Variants in CCNJ observed in about 807,000 individuals in gnomAD.
The protein encoded by CCNJ is cyclin J.
In CCNJ, 12 loss-of-function variants were observed where a neutral mutation model predicts 41.4. The ratio of observed to expected loss-of-function variants is 0.29; its 90% CI spans 0.19 to 0.47. CCNJ has a LOEUF of 0.47. Ranked by LOEUF, CCNJ falls within the 20% of genes least tolerant of loss-of-function variation. The probability of loss-of-function intolerance (pLI) is 1.00; values close to 1 mark genes in which losing one functional copy is unlikely to be tolerated. For synonymous variants in CCNJ, 161 were observed against 173.4 expected, an observed-to-expected ratio of 0.93 and a Z score of 0.56; for missense variants, 340 against 464.6, an observed-to-expected ratio of 0.73 and a Z score of 2.47.
chr10:96,051,744 A>T (rs907858701), intron 3 of CCNJ, among the ~76,000 whole-genome samples: 4 of 152,152 alleles, frequency 2.6e-5, no homozygotes, highest in African/African-American at 9.7e-5. Flanking sequence ...TTCTGGTACT[A>T]ATCTCTTCTC....
intron 2 of CCNJ, 88 bp from the exon 3 acceptor site, chr10:96,050,168 A>C: frequency 1.1e-6 from 1 of 875,464 alleles, no homozygotes; most frequent in East Asian, 2.4e-5. Context: ...TTGTAATACT[A>C]ATATATTGGA....
Position 96,043,641 on chromosome 10 carries a change from G to A in CCNJ, c.-120G>A. 1 of 394,902 alleles carries A rather than the reference G, an allele frequency of 2.5e-6. No homozygotes were observed. The highest frequency in any genetic ancestry group is 3.6e-5 in the East Asian group (1 of 27,842). The allele number at this position is 394,902 out of a possible 1,614,324, so 24.5% of individuals were successfully genotyped here. On this transcript the variant is annotated 5_prime_UTR_variant, in exon 1 of 6. Transcript: ENST00000465148. Reference sequence around the variant, plus strand: ...CTCTAGCTGAGGCCGGCGCTTAGCGGCCCACTGTCCGCAGCATGAGCGGGG... The same window carrying A: ...CTCTAGCTGAGGCCGGCGCTTAGCGACCCACTGTCCGCAGCATGAGCGGGG...
rs2080749947 is a variant in CCNJ at position 96,058,316 on chromosome 10, G to C, written c.*75G>C. 4.7e-6 allele frequency: 6 copies of C among 1,289,014 alleles called. No homozygotes were observed. The South Asian group carries it at 5.4e-5, about 12-fold the overall frequency. The allele number at this position is 1,289,014 out of a possible 1,614,324, so 79.8% of individuals were successfully genotyped here. A position where few individuals can be genotyped will look rare whatever the true frequency, so the allele number is the denominator to read the frequency against. The stretch of plus-strand genomic sequence containing the variant: ...ATGGGTAAGCGTTTTGTAAACTTCT[G>C]TTCAAAAGGAAAGGGATCTAAATGA... On this transcript the variant is annotated 3_prime_UTR_variant, in exon 6 of 6. Transcript: ENST00000465148.
chr10:96,049,716 T>G (rs188921887), intron 2 of CCNJ, among the ~76,000 whole-genome samples: 2 of 152,224 alleles, frequency 1.3e-5, no homozygotes, highest in East Asian at 3.9e-4. Context: ...TGAAGTGATT[T>G]TAGGTGTATG....
rs1235784626 is a variant in CCNJ, at chr10:96,044,333, G to C, written c.-41-20G>C. 2.2e-6 allele frequency: 3 copies of C among 1,372,600 alleles called. No individual in the cohort carries two copies. Among genetic ancestry groups the C allele is most frequent in the African/African-American group, 3.0e-5 (2 of 67,384 alleles). 85.0% of individuals were successfully genotyped at this position (1,372,600 alleles called of 1,614,324 possible). On this transcript the variant is annotated intron_variant, in intron 1 of 5. Coordinates refer to ENST00000465148, the MANE Select transcript of CCNJ (RefSeq NM_001134375.2). ...TCGCGGGGGAGCCGGCAGTGACCGC[G>C]CCTGGGGTGTGTCTTACAGACTCGA...
At chr10:96,050,202 T>C (rs2080484578) in intron 2 of CCNJ, 54 bp from the exon 3 acceptor site, 1 of 1,155,332 alleles carries the variant, frequency 8.7e-7, no homozygotes. Flanking sequence ...GTCATTGCCT[T>C]GTGGGGATAC....
At chr10:96,044,796 G>A (rs138415872) in intron 2 of CCNJ, among the ~76,000 whole-genome samples, 1 of 152,288 alleles carries the variant, frequency 6.6e-6, no homozygotes, top group Admixed American at 6.5e-5. Context: ...CTCTTTGTTC[G>A]AGAGTTGCCG....
intron 2 of CCNJ, among the ~76,000 whole-genome samples, chr10:96,046,852 T>C (rs982838343): frequency 6.6e-6 from 1 of 152,204 alleles, no homozygotes; most frequent in African/African-American, 2.4e-5. Context: ...ATAGTTAGTG[T>C]CATAGGCTGT....
intron 3 of CCNJ, 72 bp downstream of exon 3, chr10:96,050,538 TC>T: frequency 9.0e-7 from 1 of 1,110,150 alleles, no homozygotes; most frequent in South Asian, 1.4e-5. Context: ...TATGTAGAAC[TC>T]AGTGAAATAT....
rs75328950 is a variant in CCNJ, at chr10:96,049,124, T to G, written c.70-1132T>G. On this transcript the variant is annotated intron_variant, in intron 2 of 5. Coordinates refer to ENST00000465148, the MANE Select transcript of CCNJ (RefSeq NM_001134375.2). The stretch of plus-strand genomic sequence containing the variant: ...TTTGTTTTGTTTTGTTTTTTGATAA[T>G]AGCAATCCAACTAGGTGTGAAGTGC... Among the ~76,000 whole-genome samples the G allele has an allele frequency of 1.2e-3, 188 of 152,304 alleles. 1 individual carries two copies. Among genetic ancestry groups the G allele is most frequent in the African/African-American group, 4.2e-3 (176 of 41,580 alleles).
chr10:96,043,392 G>A (rs2080265454), upstream of CCNJ: 1 of 360,420 alleles, frequency 2.8e-6, no homozygotes, highest in Admixed American at 4.7e-5. Flanking sequence ...GCCACGCCGC[G>A]CCGTGCGGGA....
At chr10:96,050,120 T>C (rs1323547200) in intron 2 of CCNJ, 136 bp from the exon 3 acceptor site, 1 of 686,700 alleles carries the variant, frequency 1.5e-6, no homozygotes, top group Non-Finnish European at 2.5e-6. Flanking sequence ...AACTTTTTCA[T>C]TTTTGTATTC....
rs547651470 is a variant in CCNJ at position 96,057,546 on chromosome 10, G to A, written c.741-284G>A. On this transcript the variant is annotated intron_variant, in intron 5 of 5. Transcript: ENST00000465148. ...TTCCTAACATCATTGAATTTTGGGG[G>A]CCACCAGGATGTTACCAAATTGGCA... is the stretch of plus-strand genomic sequence containing the variant. 1.2e-3 allele frequency among the ~76,000 whole-genome samples: 180 copies of A among 152,298 alleles called. 1 individual carries two copies. Among genetic ancestry groups the A allele is most frequent in the African/African-American group, 4.1e-3 (169 of 41,564 alleles).
intron 3 of CCNJ, among the ~76,000 whole-genome samples, chr10:96,053,705 A>C (rs1413466397): frequency 6.6e-6 from 1 of 152,214 alleles, no homozygotes; most frequent in East Asian, 1.9e-4. Flanking sequence ...AGAGGCTTTT[A>C]GTAGTAACAA....
chr10:96,059,121 C>G lies in CCNJ; in HGVS notation c.*880C>G, dbSNP rs2080766854. ...GAATGAAGTGGTAGTTCCTGTGATT[C>G]ATAATACATATGTAGGTTTTGCATA... is the stretch of plus-strand genomic sequence containing the variant. On this transcript the variant is annotated 3_prime_UTR_variant, in exon 6 of 6. Transcript: ENST00000465148. 6.6e-6 allele frequency: 1 copy of G among 152,562 alleles called. No individual in the cohort carries two copies. The highest frequency in any genetic ancestry group is 6.5e-5 in the Admixed American group (1 of 15,280). The allele number at this position is 152,562 out of a possible 1,614,324, so 9.5% of individuals were successfully genotyped here.
At position 96,059,885 on chromosome 10, in the gene CCNJ, A is replaced by G. The variant is rs1226300299; in HGVS notation, c.*1644A>G. On this transcript the variant is annotated 3_prime_UTR_variant, in exon 6 of 6. Coordinates refer to ENST00000465148, the MANE Select transcript of CCNJ (RefSeq NM_001134375.2). ...TGGGTGGGTAGCTTCTGTCAGTATCAATGCTTAGAGAAATATCCTTTCCTT... is the reference window on the plus strand; with the variant it reads ...TGGGTGGGTAGCTTCTGTCAGTATCGATGCTTAGAGAAATATCCTTTCCTT... 1.3e-5 allele frequency: 2 copies of G among 152,648 alleles called. No homozygotes were observed. The highest frequency in any genetic ancestry group is 2.4e-5 in the African/African-American group (1 of 41,438). The allele number at this position is 152,648 out of a possible 1,614,324, so 9.5% of individuals were successfully genotyped here. A position where few individuals can be genotyped will look rare whatever the true frequency, so the allele number is the denominator to read the frequency against.
chr10:96,048,726 G>A (rs1293249561), intron 2 of CCNJ, among the ~76,000 whole-genome samples: 2 of 152,090 alleles, frequency 1.3e-5, no homozygotes, highest in Admixed American at 1.3e-4. Flanking sequence ...TTAGCATACT[G>A]TCTCCAAGGT....
At chr10:96,044,032 G>A (rs1448364198) in intron 1 of CCNJ, among the ~76,000 whole-genome samples, 2 of 152,210 alleles carry the variant, frequency 1.3e-5, no homozygotes, top group Non-Finnish European at 2.9e-5. Flanking sequence ...CCGGACGCAG[G>A]GAGCCCCAGC....
chr10:96,048,056 G>T (rs2080413950), intron 2 of CCNJ, among the ~76,000 whole-genome samples: 1 of 150,446 alleles, frequency 6.6e-6, no homozygotes, highest in Non-Finnish European at 1.5e-5. Flanking sequence ...TTCTTTTCCT[G>T]CATTAGTTTG....
Sources: gnomAD v4.1 joint callset for allele counts (sites outside exome capture counted in the v4.1 genomes callset) on GRCh38, gnomAD v4.1.1 for gene constraint, MANE v1.5 for transcripts, NCBI Gene and HGNC (gene_info 2026-07-23, HGNC 2026-07-21) for gene names.